WDFY4: variants seen among roughly 807,000 people sequenced by gnomAD.
WDFY4 encodes WDFY family member 4.
In WDFY4, 169 loss-of-function variants were observed where a neutral mutation model predicts 351.9. The ratio of observed to expected loss-of-function variants is 0.48; its 90% CI spans 0.42 to 0.55. WDFY4 has a LOEUF of 0.55. Among genes scored for constraint, WDFY4 ranks in the 20% least tolerant of loss-of-function variants. The probability of loss-of-function intolerance (pLI) is 0.00; values close to 1 mark genes in which losing one functional copy is unlikely to be tolerated. For missense variants in WDFY4, 3,803 were observed against 3,935.6 expected, an observed-to-expected ratio of 0.97 and a Z score of 0.90; for synonymous variants, 1,622 against 1,574.6, an observed-to-expected ratio of 1.03 and a Z score of -0.71.
intron 4 of WDFY4, 110 bp from the exon 5 acceptor site, chr10:48,723,323 G>A: frequency 7.4e-7 from 1 of 1,355,786 alleles, no homozygotes; most frequent in Non-Finnish European, 9.8e-7. Flanking sequence ...GAGCCCAGAG[G>A]GACTGTCCCA....
chr10:48,774,781 C>T (rs1012894357), intron 14 of WDFY4, 109 bp downstream of exon 14: 180 of 1,327,154 alleles, frequency 1.4e-4, no homozygotes, highest in Non-Finnish European at 1.7e-4. Flanking sequence ...ATGGAGGGCA[C>T]GGCTCTGTCC....
chr10:48,785,250 A>T (rs115909896), intron 19 of WDFY4, among the ~76,000 whole-genome samples: 2,445 of 152,250 alleles, frequency 0.016, 65 homozygotes, highest in African/African-American at 0.052. Flanking sequence ...TATTCTAGAC[A>T]CTAGTCCTTT....
chr10:48,946,246 G>A lies in WDFY4; in HGVS notation c.7867+89G>A, dbSNP rs921512505. 3.9e-6 allele frequency: 4 copies of A among 1,022,384 alleles called. No individual in the cohort carries two copies. In the African/African-American group the frequency reaches 6.6e-5, roughly 17 times the overall value. 63.3% of individuals were successfully genotyped at this position (1,022,384 alleles called of 1,614,324 possible). ...TGATAACAATTAAGGTGGTCACCTA[G>A]CCTACAAGTAATTGCATTTGAATAG... On this transcript the variant is annotated intron_variant, in intron 50 of 61. Coordinates refer to ENST00000325239, the MANE Select transcript of WDFY4 (RefSeq NM_001394531.1).
In WDFY4 at chr10:48,790,839, G is replaced by A. The variant is rs370956852; in HGVS notation, c.4179G>A (p.Ala1393=). 182 of 1,551,622 alleles carry A rather than the reference G, an allele frequency of 1.2e-4. No individual in the cohort carries two copies. Among genetic ancestry groups the A allele is most frequent in the South Asian group, 4.4e-4 (37 of 84,064 alleles). Residue 1393 remains alanine (A), a synonymous_variant, in exon 23 of 62, where the codon GCG becomes GCA. Coordinates refer to ENST00000325239, the MANE Select transcript of WDFY4 (RefSeq NM_001394531.1). ...SLATDDHTMY[A]AVKVLHSVLT... Reference sequence around the variant, plus strand: ...CGACAGATGACCATACCATGTATGCGGCTGTGAAAGTTCTGCACTCGGTCC... The same window carrying A: ...CGACAGATGACCATACCATGTATGCAGCTGTGAAAGTTCTGCACTCGGTCC...
intron 28 of WDFY4, 63 bp from the exon 29 acceptor site, chr10:48,810,466 AT>A: frequency 6.9e-7 from 1 of 1,455,722 alleles, no homozygotes; most frequent in Non-Finnish European, 9.2e-7. Flanking sequence ...GACATTTCAT[AT>A]TTTCTGGACA....
At chr10:48,898,796 G>A (rs942395948) in intron 45 of WDFY4, among the ~76,000 whole-genome samples, 1 of 152,174 alleles carries the variant, frequency 6.6e-6, no homozygotes, top group Non-Finnish European at 1.5e-5. Context: ...AGCAGGAAGA[G>A]CAGAGTGGAA....
chr10:48,815,972 G>A (rs1468472603), intron 31 of WDFY4, among the ~76,000 whole-genome samples: 1 of 152,018 alleles, frequency 6.6e-6, no homozygotes, highest in African/African-American at 2.4e-5. Context: ...TCCTTTCTTT[G>A]TATTCAGCAA....
At chr10:48,817,688 C>T (rs2067669794) in intron 32 of WDFY4, among the ~76,000 whole-genome samples, 1 of 152,210 alleles carries the variant, frequency 6.6e-6, no homozygotes, top group South Asian at 2.1e-4. Context: ...CTGTGGCATA[C>T]ACAGGCACTG....
At chr10:48,913,892 C>A in intron 47 of WDFY4, 1 of 1,614,154 alleles carries the variant, frequency 6.2e-7, no homozygotes. Context: ...TGGACTCAGG[C>A]AGCTTGTCTA....
chr10:48,839,893 G>A (rs1300881325), intron 39 of WDFY4, among the ~76,000 whole-genome samples: 3 of 152,238 alleles, frequency 2.0e-5, no homozygotes, highest in Non-Finnish European at 4.4e-5. Context: ...TCTGCTAAAT[G>A]GAATATTGGT....
chr10:48,949,928 T>A (rs1841238528), intron 51 of WDFY4, among the ~76,000 whole-genome samples: 1 of 152,064 alleles, frequency 6.6e-6, no homozygotes, highest in African/African-American at 2.4e-5. Context: ...TGAAGGCCTT[T>A]CCGTAACAGC....
chr10:48,738,052 G>A (rs140711709), intron 11 of WDFY4, among the ~76,000 whole-genome samples: 1 of 152,288 alleles, frequency 6.6e-6, no homozygotes, highest in African/African-American at 2.4e-5. Context: ...TGACTGGCAT[G>A]TTCTGGCAGG....
chr10:48,703,818 C>T (rs913968572), intron 1 of WDFY4, among the ~76,000 whole-genome samples: 1 of 152,194 alleles, frequency 6.6e-6, no homozygotes. Flanking sequence ...GGCCGCTGTG[C>T]GCAGAATGCC....
intron 39 of WDFY4, among the ~76,000 whole-genome samples, chr10:48,837,593 G>T (rs1292092053): frequency 6.6e-6 from 1 of 152,184 alleles, no homozygotes; most frequent in Non-Finnish European, 1.5e-5. Flanking sequence ...GCTGGGACAG[G>T]TGAGAAAAGA....
intron 38 of WDFY4, among the ~76,000 whole-genome samples, chr10:48,831,908 A>C (rs2068203047): frequency 6.6e-6 from 1 of 152,210 alleles, no homozygotes; most frequent in Admixed American, 6.5e-5. Flanking sequence ...TTCATTCATG[A>C]GCGTAGAACC....
chr10:48,704,265 C>A (rs1033750863), intron 1 of WDFY4, among the ~76,000 whole-genome samples: 2 of 152,184 alleles, frequency 1.3e-5, no homozygotes, highest in Non-Finnish European at 2.9e-5. Context: ...TTGACCTGGA[C>A]CCCTGCCTGT....
intron 1 of WDFY4, among the ~76,000 whole-genome samples, chr10:48,690,979 C>T (rs1204114811): frequency 6.6e-6 from 1 of 152,186 alleles, no homozygotes; most frequent in Non-Finnish European, 1.5e-5. Context: ...CCCCACTCCA[C>T]CCAGGAGCCT....
At chr10:48,707,227 C>T (rs1343135105) in intron 1 of WDFY4, among the ~76,000 whole-genome samples, 1 of 152,206 alleles carries the variant, frequency 6.6e-6, no homozygotes, top group Non-Finnish European at 1.5e-5. Flanking sequence ...TGCAAGGTCT[C>T]TTTCCTTCAA....
intron 39 of WDFY4, among the ~76,000 whole-genome samples, chr10:48,858,503 A>G (rs1474020399): frequency 6.6e-6 from 1 of 152,202 alleles, no homozygotes; most frequent in East Asian, 1.9e-4. Flanking sequence ...GTCAAAAATT[A>G]GTTGGGCATT....
Sources: gnomAD v4.1 joint callset for allele counts (sites outside exome capture counted in the v4.1 genomes callset) on GRCh38, gnomAD v4.1.1 for gene constraint, MANE v1.5 for transcripts, NCBI Gene and HGNC (gene_info 2026-07-23, HGNC 2026-07-21) for gene names.